SORCS1: variants seen among roughly 807,000 people sequenced by gnomAD.
SORCS1 encodes the protein VPS10 domain-containing receptor SorCS1.
SORCS1 carries 60 observed loss-of-function variants against 146.1 expected under a neutral mutation model. That is an observed-to-expected ratio of 0.41 (90% confidence interval 0.33 to 0.51). SORCS1 has a LOEUF of 0.51. Among genes scored for constraint, SORCS1 ranks in the 20% least tolerant of loss-of-function variants. SORCS1 has a pLI of 0.21. For missense variants in SORCS1, 1,352 were observed against 1,487.6 expected, an observed-to-expected ratio of 0.91 and a Z score of 1.50; for synonymous variants, 637 against 584.0, an observed-to-expected ratio of 1.09 and a Z score of -1.31.
At position 106,690,278 on chromosome 10, in the gene SORCS1, G is replaced by A. The variant is rs183657739; in HGVS notation, c.1414-1940C>T. Among the ~76,000 whole-genome samples the A allele has an allele frequency of 1.3e-3, 202 of 152,262 alleles. 2 individuals are homozygous for A. Among genetic ancestry groups the A allele is most frequent in the African/African-American group, 4.6e-3 (192 of 41,540 alleles). ...CCAGTTCTTTAAAAAATTAAATTAC[G>A]TAAATCAGAATTTCACAAAGTCATA... is the stretch of plus-strand genomic sequence containing the variant. On this transcript the variant is annotated intron_variant, in intron 9 of 25. Coordinates refer to ENST00000263054, the MANE Select transcript of SORCS1 (RefSeq NM_052918.5).
At chr10:106,807,512 T>C (rs1947249246) in intron 3 of SORCS1, among the ~76,000 whole-genome samples, 1 of 152,178 alleles carries the variant, frequency 6.6e-6, no homozygotes, top group African/African-American at 2.4e-5. Flanking sequence ...TTTCTCTTGG[T>C]TGGTGATTTC....
chr10:106,612,730 C>A (rs1392142668), intron 21 of SORCS1, among the ~76,000 whole-genome samples: 1 of 152,064 alleles, frequency 6.6e-6, no homozygotes, highest in Non-Finnish European at 1.5e-5. Flanking sequence ...GAGCCCGTAG[C>A]CCCTTATTTT....
intron 2 of SORCS1, among the ~76,000 whole-genome samples, chr10:106,878,119 C>T (rs1950661344): frequency 1.3e-5 from 2 of 151,214 alleles, no homozygotes; most frequent in Non-Finnish European, 2.9e-5. Flanking sequence ...GTCTCTGTTT[C>T]TGGCAAGGTA....
At chr10:107,084,937 T>A (rs1963649481) in intron 1 of SORCS1, among the ~76,000 whole-genome samples, 1 of 152,180 alleles carries the variant, frequency 6.6e-6, no homozygotes, top group Non-Finnish European at 1.5e-5. Flanking sequence ...ACATTGATGA[T>A]CTACCAGATA....
chr10:106,673,486 G>A (rs576875111), intron 14 of SORCS1, among the ~76,000 whole-genome samples: 5 of 152,226 alleles, frequency 3.3e-5, no homozygotes, highest in African/African-American at 1.2e-4. Context: ...GATTCAATGA[G>A]TTTTGTTAAC....
At chr10:106,996,264 GA>G (rs55916735) in intron 1 of SORCS1, among the ~76,000 whole-genome samples, 146,645 of 148,770 alleles carry the variant, frequency 0.99, 72,282 homozygotes, top group Middle Eastern at 1. Context: ...ATGTAGAAAT[GA>G]AATGTACAAA....
intron 5 of SORCS1, among the ~76,000 whole-genome samples, chr10:106,741,551 T>C (rs10884353): frequency 0.22 from 33,564 of 151,946 alleles, 4,663 homozygotes; most frequent in East Asian, 0.47. Context: ...TGAGCCAAGA[T>C]TGCGTCACTG....
At chr10:107,139,203 G>A (rs909813055) in intron 1 of SORCS1, among the ~76,000 whole-genome samples, 1 of 152,150 alleles carries the variant, frequency 6.6e-6, no homozygotes, top group African/African-American at 2.4e-5. Flanking sequence ...AGAAATTGCA[G>A]GTAGAAAAGA....
At chr10:106,746,502 T>C (rs564500812) in intron 5 of SORCS1, among the ~76,000 whole-genome samples, 4 of 152,344 alleles carry the variant, frequency 2.6e-5, no homozygotes, top group East Asian at 1.9e-4. Context: ...TATACTGTCA[T>C]TAAAGAAGGT....
At position 107,058,014 on chromosome 10, in the gene SORCS1, G is replaced by T. The variant is rs142779288; in HGVS notation, c.559-101434C>A. On this transcript the variant is annotated intron_variant, in intron 1 of 25. Coordinates refer to ENST00000263054, the MANE Select transcript of SORCS1 (RefSeq NM_052918.5). ...GGCCTTGTTTTAAAGATATGTAAGA[G>T]ACCTAAAATCAACTTTTAAAAAAAA... Among the ~76,000 whole-genome samples, 704 of 152,196 alleles carry T rather than the reference G, an allele frequency of 4.6e-3. 3 individuals are homozygous for T. The highest frequency in any genetic ancestry group is 7.1e-3 in the Non-Finnish European group (480 of 68,016).
chr10:107,177,435 G>A, the SORCS1 span, among the ~76,000 whole-genome samples: 1 of 152,068 alleles, frequency 6.6e-6, no homozygotes, highest in Non-Finnish European at 1.5e-5. Flanking sequence ...TCACAATATG[G>A]AACATTCTCA....
chr10:106,812,146 G>T (rs923142715), intron 3 of SORCS1, among the ~76,000 whole-genome samples: 31 of 151,912 alleles, frequency 2.0e-4, no homozygotes, highest in African/African-American at 7.5e-4. Context: ...GACTACAGGC[G>T]CCCGCCACTG....
At chr10:106,884,405 A>G (rs1258156607) in intron 2 of SORCS1, among the ~76,000 whole-genome samples, 1 of 152,100 alleles carries the variant, frequency 6.6e-6, no homozygotes, top group Non-Finnish European at 1.5e-5. Flanking sequence ...CACTCAGCAA[A>G]TGAGGCACCT....
chr10:107,030,898 A>T (rs1347639790), intron 1 of SORCS1, among the ~76,000 whole-genome samples: 1 of 152,236 alleles, frequency 6.6e-6, no homozygotes, highest in Non-Finnish European at 1.5e-5. Context: ...AGAATGAATG[A>T]AAAGGGTCCC....
chr10:107,165,009 G>A (rs1970003118), upstream of SORCS1, among the ~76,000 whole-genome samples: 1 of 151,522 alleles, frequency 6.6e-6, no homozygotes, highest in South Asian at 2.1e-4. The surrounding 1 kb of genome is among the most constrained non-coding windows in gnomAD (Gnocchi z 4.0). Flanking sequence ...TGCCCGCGGG[G>A]GCGGTCGACC....
At chr10:106,794,478 T>C (rs1304822914) in intron 3 of SORCS1, among the ~76,000 whole-genome samples, 1 of 151,510 alleles carries the variant, frequency 6.6e-6, no homozygotes, top group Admixed American at 6.6e-5. Context: ...CTATGCTCAC[T>C]AGCATTGTTT....
rs1465059664 is a variant in SORCS1 at position 106,859,094 on chromosome 10, C to A, written c.627-29421G>T. On this transcript the variant is annotated intron_variant, in intron 2 of 25. Transcript: ENST00000263054. ...AAGGCAATATCCACTGCTAAGCAGACAAGCTGGTACTGGTGAGGAGGGCAT... is the reference window on the plus strand; with the variant it reads ...AAGGCAATATCCACTGCTAAGCAGAAAAGCTGGTACTGGTGAGGAGGGCAT... Among the ~76,000 whole-genome samples the A allele has an allele frequency of 3.9e-5, 6 of 152,366 alleles. No individual in the cohort carries two copies. In the East Asian group the frequency reaches 7.7e-4, roughly 20 times the overall value.
At chr10:106,639,158 T>C (rs1848903465) in intron 18 of SORCS1, among the ~76,000 whole-genome samples, 2 of 152,134 alleles carry the variant, frequency 1.3e-5, no homozygotes, top group South Asian at 2.1e-4. Context: ...GAATAATAAA[T>C]GGCAAAGTGC....
intron 2 of SORCS1, among the ~76,000 whole-genome samples, chr10:106,874,145 ACT>A (rs1364471773): frequency 6.6e-6 from 1 of 151,930 alleles, no homozygotes; most frequent in Non-Finnish European, 1.5e-5. Context: ...ACCACAGAAA[ACT>A]CTGTCTGGAC....
Sources: gnomAD v4.1 joint callset for allele counts (sites outside exome capture counted in the v4.1 genomes callset) on GRCh38, gnomAD v4.1.1 for gene constraint, Gnocchi (gnomAD v3.1) non-coding constraint, MANE v1.5 for transcripts, NCBI Gene and HGNC (gene_info 2026-07-23, HGNC 2026-07-21) for gene names.